POLD1: variants seen among roughly 807,000 people sequenced by gnomAD.
POLD1 encodes DNA polymerase delta catalytic subunit.
A neutral mutation model predicts 129.7 loss-of-function variants in POLD1; 79 were observed. That is an observed-to-expected ratio of 0.61 (90% CI 0.51 to 0.73). The LOEUF (loss-of-function observed/expected upper bound fraction) is 0.73, where lower values mean the gene tolerates loss of function less well. POLD1 is among the 30% of genes least tolerant of loss of function. The probability of loss-of-function intolerance (pLI) is 0.00; values close to 1 mark genes in which losing one functional copy is unlikely to be tolerated. For missense variants in POLD1, 1,338 were observed against 1,595.8 expected, an observed-to-expected ratio of 0.84 and a Z score of 2.75; for synonymous variants, 714 against 683.3, an observed-to-expected ratio of 1.04 and a Z score of -0.70.
chr19:50,401,243 A>G (rs533017116), intron 3 of POLD1, among the ~76,000 whole-genome samples: 20 of 147,384 alleles, frequency 1.4e-4, no homozygotes, highest in African/African-American at 3.9e-4. Flanking sequence ...AATATAAGAT[A>G]TATATATATG....
At chr19:50,388,069 C>T (rs1042401310) in intron 1 of POLD1, among the ~76,000 whole-genome samples, 1 of 152,194 alleles carries the variant, frequency 6.6e-6, no homozygotes, top group Non-Finnish European at 1.5e-5. Context: ...CAGCCAGACA[C>T]AAGAGGCTGC....
At chr19:50,387,437 G>A (rs1014479026) in intron 1 of POLD1, among the ~76,000 whole-genome samples, 13 of 152,218 alleles carry the variant, frequency 8.5e-5, no homozygotes, top group African/African-American at 2.2e-4. Context: ...GCTTGCTACC[G>A]AAGGGTCGTG....
rs772329761 is a variant in POLD1 at position 50,408,766 on chromosome 19, G to A, written c.1776-19G>A. The A allele has an allele frequency of 2.3e-5, 37 of 1,613,030 alleles. No individual in the cohort carries two copies. The highest frequency in any genetic ancestry group is 5.5e-5 in the South Asian group (5 of 91,038). On this transcript the variant is annotated intron_variant, in intron 14 of 26. Transcript: ENST00000440232. ...GAACTCCTAGCCCTGACTCCCGGCC[G>A]CGGCTGCTCCCCTCCCAGGTACTAC...
intron 1 of POLD1, among the ~76,000 whole-genome samples, chr19:50,394,579 C>T (rs960520733): frequency 6.6e-6 from 1 of 151,994 alleles, no homozygotes; most frequent in African/African-American, 2.4e-5. Context: ...CGCTTGAAGC[C>T]AGGAGGCGAA....
Position 50,409,485 on chromosome 19 carries a change from C to A in POLD1, c.2007-34C>A. 6.2e-7 allele frequency: 1 copy of A among 1,613,238 alleles called. No homozygotes were observed. ...GGAGCCCTGACCAATGCCCAGGTGC[C>A]GCCTGAGTGTGCTTTCCCCGTGTTC... On this transcript the variant is annotated intron_variant, in intron 16 of 26. Transcript: ENST00000440232. The surrounding 1 kb of genome is among the most constrained non-coding windows in gnomAD (Gnocchi z 5.8).
In POLD1 at chr19:50,413,402, TCCGC is replaced by T; in HGVS notation, c.2155-23_2155-20del. On this transcript the variant is annotated intron_variant, in intron 17 of 26. Transcript: ENST00000440232. Reference sequence around the variant, plus strand: ...CTGCACATGGCCCCCAGGGCTTCACTCCGCATGATTCTCTCCCCGACAGAGCGTC... The same window carrying T: ...CTGCACATGGCCCCCAGGGCTTCACTATGATTCTCTCCCCGACAGAGCGTC... 6.2e-7 allele frequency: 1 copy of T among 1,605,136 alleles called. No homozygotes were observed. The highest frequency in any genetic ancestry group is 8.5e-7 in the Non-Finnish European group (1 of 1,174,208).
intron 19 of POLD1, among the ~76,000 whole-genome samples, chr19:50,414,087 C>T (rs751944385): frequency 9.9e-5 from 15 of 152,198 alleles, no homozygotes; most frequent in South Asian, 4.1e-4. Flanking sequence ...CTGTCGCTGT[C>T]CCTGGTTTTG....
chr19:50,388,291 T>G (rs992376711), intron 1 of POLD1, among the ~76,000 whole-genome samples: 11 of 152,206 alleles, frequency 7.2e-5, no homozygotes, highest in Non-Finnish European at 1.2e-4. Flanking sequence ...CATTGAACTA[T>G]ATATACTTTA....
rs1480477616 is a variant in POLD1, at chr19:50,417,098, G to T, written c.3120+1G>T. 1 of 1,561,124 alleles carries T rather than the reference G, an allele frequency of 6.4e-7. No homozygotes were observed. Among genetic ancestry groups the T allele is most frequent in the Non-Finnish European group, 8.7e-7 (1 of 1,152,128 alleles). The stretch of plus-strand genomic sequence containing the variant: ...GGAGTCTGAGCTGTATCAGAAGGAG[G>T]TGAGAGGGCCGGGAGGTGAGGAGGG... On this transcript the variant is annotated splice_donor_variant, in intron 25 of 26. Transcript: ENST00000440232. LOFTEE classifies it high-confidence loss of function.
At chr19:50,412,175 T>C (rs2039109074) in intron 17 of POLD1, among the ~76,000 whole-genome samples, 1 of 152,234 alleles carries the variant, frequency 6.6e-6, no homozygotes, top group African/African-American at 2.4e-5. Context: ...TGTTTTGAGA[T>C]GGAGTCTTGC....
chr19:50,406,164 C>G lies in POLD1; in HGVS notation c.1243-18C>G, dbSNP rs1266748123. 6.2e-7 allele frequency: 1 copy of G among 1,608,920 alleles called. No individual in the cohort carries two copies. Among genetic ancestry groups the G allele is most frequent in the East Asian group, 2.2e-5 (1 of 44,734 alleles). On this transcript the variant is annotated intron_variant, in intron 10 of 26. Transcript: ENST00000440232. The surrounding 1 kb of genome is among the most constrained non-coding windows in gnomAD (Gnocchi z 5.5). ...CGGGGACCCGCAGCCTGCTGCACAC[C>G]CTGCCTCTCCTCCTCAGGTACAAAC...
intron 13 of POLD1, 67 bp from the exon 14 acceptor site, chr19:50,407,260 T>C: frequency 6.5e-7 from 1 of 1,548,432 alleles, no homozygotes. Flanking sequence ...ATGCACTTTT[T>C]CTCCCCACTC....
chr19:50,386,080 G>A (rs16984021), intron 1 of POLD1, among the ~76,000 whole-genome samples: 4,472 of 152,222 alleles, frequency 0.029, 220 homozygotes, highest in African/African-American at 0.1. Flanking sequence ...AAGAACCTGT[G>A]CGCTCAGGGA....
intron 9 of POLD1, 95 bp downstream of exon 9, chr19:50,403,314 CTG>C: frequency 7.6e-7 from 1 of 1,324,406 alleles, no homozygotes; most frequent in Non-Finnish European, 1.0e-6. Flanking sequence ...ACGCCCATGT[CTG>C]TGGGTCTGGG....
At chr19:50,397,336 C>T (rs1373693122) in intron 1 of POLD1, among the ~76,000 whole-genome samples, 2 of 150,678 alleles carry the variant, frequency 1.3e-5, no homozygotes, top group African/African-American at 2.4e-5. Context: ...TCCCGGGAAG[C>T]GGAAGTTGCA....
intron 1 of POLD1, 99 bp from the exon 2 acceptor site, chr19:50,398,752 A>G: frequency 6.6e-7 from 1 of 1,517,468 alleles, no homozygotes; most frequent in Non-Finnish European, 8.8e-7. Context: ...CCAGAGTAGG[A>G]AAAGGCTCGT....
Position 50,413,832 on chromosome 19 carries a change from T to G in POLD1, c.2341T>G (p.Trp781Gly). Reference sequence around the variant, plus strand: ...GGCCCTGGGGCGGGAGGCCGCGGACTGGGTGTCAGGTCACTTCCCGTCGCC... The same window carrying G: ...GGCCCTGGGGCGGGAGGCCGCGGACGGGGTGTCAGGTCACTTCCCGTCGCC... ...AMALGREAADWVSGHFPSPIR... is the reference protein window; with the variant it reads ...AMALGREAADGVSGHFPSPIR... Residue 781 changes from tryptophan to glycine, a missense_variant, in exon 19 of 27, where the codon TGG becomes GGG. Transcript: ENST00000440232. 1 of 1,612,170 alleles carries G rather than the reference T, an allele frequency of 6.2e-7. No individual in the cohort carries two copies. Among genetic ancestry groups the G allele is most frequent in the South Asian group, 1.1e-5 (1 of 90,942 alleles).
chr19:50,415,443 C>G lies in POLD1; in HGVS notation c.2570C>G (p.Pro857Arg). The G allele has an allele frequency of 6.2e-7, 1 of 1,612,514 alleles. No individual in the cohort carries two copies. The highest frequency in any genetic ancestry group is 8.5e-7 in the Non-Finnish European group (1 of 1,179,700). Residue 857 changes from proline (P) to arginine (R), a missense_variant, in exon 21 of 27, where the codon CCT becomes CGT. By Grantham distance (103) the Pro-to-Arg change is moderately radical. Coordinates refer to ENST00000440232, the MANE Select transcript of POLD1 (RefSeq NM_002691.4). ...TGCGGCCCGCTCTCCTACAGAGACC[C>G]TGAGGGCGCGGTGGCTCACGCACAG... Reference protein sequence around the residue: ...SLRRLLIDRDPEGAVAHAQDV... With the variant: ...SLRRLLIDRDREGAVAHAQDV...
chr19:50,399,315 C>A, intron 2 of POLD1, 56 bp from the exon 3 acceptor site: 1 of 1,430,892 alleles, frequency 7.0e-7, no homozygotes, highest in African/African-American at 1.4e-5. Flanking sequence ...ACATGCCATC[C>A]TGGCCGGGGA....
Sources: allele counts gnomAD v4.1 joint callset (sites outside exome capture counted in the v4.1 genomes callset), GRCh38; gene constraint gnomAD v4.1.1; non-coding constraint Gnocchi (gnomAD v3.1); transcripts MANE v1.5; gene names NCBI Gene and HGNC (gene_info 2026-07-23, HGNC 2026-07-21).